Variants in MYO9A observed in about 807,000 individuals in gnomAD.
The protein encoded by MYO9A is unconventional myosin-IXa.
MYO9A carries 103 observed loss-of-function variants against 293.3 expected under a neutral mutation model. The observed-to-expected ratio is 0.35, with a 90% confidence interval of 0.30 to 0.41. The LOEUF is 0.41. Among genes scored for constraint, MYO9A ranks in the 10% least tolerant of loss-of-function variants. The pLI, the probability that MYO9A is intolerant of heterozygous loss-of-function variation, is 1.00. For missense variants in MYO9A, 2,685 were observed against 3,033.0 expected, an observed-to-expected ratio of 0.89 and a Z score of 2.69; for synonymous variants, 1,001 against 1,035.7, an observed-to-expected ratio of 0.97 and a Z score of 0.64.
intron 40 of MYO9A, among the ~76,000 whole-genome samples, chr15:71,828,673 A>G (rs2054604919): frequency 6.6e-6 from 1 of 152,160 alleles, no homozygotes; most frequent in South Asian, 2.1e-4. Flanking sequence ...TTTGGTACTC[A>G]GATCCTAATC....
At chr15:71,830,972 CCTTT>C (rs2054699685) in intron 39 of MYO9A, among the ~76,000 whole-genome samples, 1 of 118,468 alleles carries the variant, frequency 8.4e-6, no homozygotes, top group African/African-American at 3.4e-5. Context: ...GCTGCTTCTT[CCTTT>C]TTTTTTTTTT....
intron 2 of MYO9A, chr15:72,041,228 C>A: frequency 7.2e-7 from 1 of 1,385,926 alleles, no homozygotes; most frequent in South Asian, 1.1e-5. Flanking sequence ...ATTCTTCACT[C>A]ATTGCACACA....
intron 11 of MYO9A, among the ~76,000 whole-genome samples, chr15:71,979,870 T>C (rs533123039): frequency 5.9e-5 from 9 of 152,344 alleles, no homozygotes; most frequent in Middle Eastern, 3.4e-3. Flanking sequence ...TAAGTAGGTA[T>C]AGAGTACTTA....
At chr15:71,857,351 G>A (rs1343372977) in intron 34 of MYO9A, among the ~76,000 whole-genome samples, 1 of 152,016 alleles carries the variant, frequency 6.6e-6, no homozygotes, top group Non-Finnish European at 1.5e-5. Context: ...TAACTTCAAT[G>A]TGTATTTTAA....
intron 13 of MYO9A, among the ~76,000 whole-genome samples, chr15:71,964,887 G>T (rs989746696): frequency 1.3e-5 from 2 of 151,756 alleles, no homozygotes; most frequent in Non-Finnish European, 2.9e-5. Context: ...CCCAGGTGGT[G>T]GTGGTTGCAG....
chr15:72,042,580 T>C (rs930637294), intron 2 of MYO9A, among the ~76,000 whole-genome samples: 3 of 151,918 alleles, frequency 2.0e-5, no homozygotes, highest in African/African-American at 4.8e-5. Flanking sequence ...ACTAAATGTT[T>C]TCCCCTAAGA....
intron 1 of MYO9A, among the ~76,000 whole-genome samples, chr15:72,089,828 T>C (rs1596547865): frequency 6.6e-6 from 1 of 152,194 alleles, no homozygotes; most frequent in African/African-American, 2.4e-5. Flanking sequence ...AATGTTGTCA[T>C]ACCACTTACT....
chr15:72,038,448 T>G (rs2078125921), intron 2 of MYO9A, among the ~76,000 whole-genome samples: 1 of 152,168 alleles, frequency 6.6e-6, no homozygotes, highest in Admixed American at 6.5e-5. Context: ...TACAACACAG[T>G]GTTATCTAAC....
intron 6 of MYO9A, among the ~76,000 whole-genome samples, chr15:72,016,813 T>C (rs1596386642): frequency 6.6e-6 from 1 of 152,074 alleles, no homozygotes; most frequent in South Asian, 2.1e-4. Flanking sequence ...AAGGGAAAGA[T>C]GGGTAATGAT....
intron 4 of MYO9A, among the ~76,000 whole-genome samples, chr15:72,023,905 C>A (rs1268959080): frequency 6.6e-6 from 1 of 152,000 alleles, no homozygotes; most frequent in African/African-American, 2.4e-5. Flanking sequence ...AACCAAAATT[C>A]TTGAAAGGCA....
intron 39 of MYO9A, among the ~76,000 whole-genome samples, chr15:71,835,944 A>C (rs147756905): frequency 6.6e-6 from 1 of 152,126 alleles, no homozygotes; most frequent in Non-Finnish European, 1.5e-5. Flanking sequence ...AAGGCTCCCA[A>C]TTTATAATAA....
chr15:72,003,703 C>CAA (rs397738256), intron 8 of MYO9A, among the ~76,000 whole-genome samples: 1,522 of 86,388 alleles, frequency 0.018, 45 homozygotes, highest in Admixed American at 0.075. Context: ...GACTCCGTCT[C>CAA]AAAAAAAAAA....
chr15:72,013,852 G>A (rs2077245372), intron 6 of MYO9A, among the ~76,000 whole-genome samples: 1 of 152,092 alleles, frequency 6.6e-6, no homozygotes, highest in Admixed American at 6.5e-5. Flanking sequence ...TGTTGCCGAG[G>A]TTGGAGTGCA....
intron 8 of MYO9A, among the ~76,000 whole-genome samples, chr15:72,001,226 T>C (rs2076855726): frequency 1.3e-5 from 2 of 152,232 alleles, no homozygotes; most frequent in Middle Eastern, 3.4e-3. Flanking sequence ...CATTCATAAA[T>C]GTAGGCAATA....
At chr15:72,118,432 G>A (rs985082437), upstream of MYO9A, 4 of 153,708 alleles carry the variant, frequency 2.6e-5, no homozygotes, top group African/African-American at 9.6e-5. Context: ...AGAGGTGCCT[G>A]AAGGCTGGTT....
At position 71,826,863 on chromosome 15, in the gene MYO9A, G is replaced by C; in HGVS notation, c.7364C>G (p.Ser2455Cys). The change falls in exon 42 of 42, where the codon TCC becomes TGC. Residue 2455 changes from serine to cysteine, a missense_variant. Coordinates refer to ENST00000356056, the MANE Select transcript of MYO9A (RefSeq NM_006901.4). ...HGTRKLFQIY[S>C]KSPFYRAASG... ...GGCAGCTCGGTAGAATGGAGATTTG[G>C]AATAAATCTGAAATAGTTTTCTGGT... The C allele has an allele frequency of 1.2e-6, 2 of 1,614,136 alleles. No homozygotes were observed. The highest frequency in any genetic ancestry group is 1.7e-5 in the Admixed American group (1 of 60,002).
At chr15:71,969,120 G>A (rs1250675369) in intron 12 of MYO9A, among the ~76,000 whole-genome samples, 11 of 152,160 alleles carry the variant, frequency 7.2e-5, no homozygotes, top group Non-Finnish European at 2.9e-5. Flanking sequence ...CACAAAATGA[G>A]ATACCAGTTA....
chr15:72,038,958 T>G (rs896976608), intron 2 of MYO9A, among the ~76,000 whole-genome samples: 3 of 151,998 alleles, frequency 2.0e-5, no homozygotes, highest in Admixed American at 6.6e-5. Flanking sequence ...CTATATATAT[T>G]TACCTATAAG....
At chr15:72,091,981 G>T (rs1470483206) in intron 1 of MYO9A, among the ~76,000 whole-genome samples, 1 of 152,132 alleles carries the variant, frequency 6.6e-6, no homozygotes, top group Non-Finnish European at 1.5e-5. Context: ...CTCCCAAAGT[G>T]CTGGGATTAC....
Sources: gnomAD v4.1 joint callset for allele counts (sites outside exome capture counted in the v4.1 genomes callset) on GRCh38, gnomAD v4.1.1 for gene constraint, MANE v1.5 for transcripts, NCBI Gene and HGNC (gene_info 2026-07-23, HGNC 2026-07-21) for gene names.